Variants in LNPEP observed in about 807,000 individuals in gnomAD.
LNPEP encodes leucyl-cystinyl aminopeptidase.
Under a neutral mutation model 120.6 loss-of-function variants are expected in LNPEP, and 64 were observed. The ratio of observed to expected loss-of-function variants is 0.53; its 90% CI spans 0.43 to 0.65. The LOEUF (loss-of-function observed/expected upper bound fraction) is 0.65. LNPEP is among the 30% of genes least tolerant of loss of function. The pLI, the probability that LNPEP is intolerant of heterozygous loss-of-function variation, is 0.00. For synonymous variants in LNPEP, 435 were observed against 425.4 expected, an observed-to-expected ratio of 1.02 and a Z score of -0.28; for missense variants, 1,057 against 1,200.0, an observed-to-expected ratio of 0.88 and a Z score of 1.76.
At chr5:97,012,324 G>A (rs987273979) in intron 11 of LNPEP, among the ~76,000 whole-genome samples, 16 of 152,086 alleles carry the variant, frequency 1.1e-4, no homozygotes, top group African/African-American at 2.9e-4. Flanking sequence ...TGCTATCATC[G>A]TCTGAGTTTA....
Position 97,024,531 on chromosome 5 carries a change from G to C in LNPEP, c.2572G>C (p.Asp858His). 6.2e-7 allele frequency: 1 copy of C among 1,613,746 alleles called. No homozygotes were observed. Among genetic ancestry groups the C allele is most frequent in the Non-Finnish European group, 8.5e-7 (1 of 1,179,804 alleles). Residue 858 changes from aspartate (D) to histidine (H), a missense_variant, in exon 15 of 18, where the codon GAT (aspartate) becomes CAT (histidine). By Grantham distance (81) the Asp-to-His change is moderately conservative. Coordinates refer to ENST00000231368, the MANE Select transcript of LNPEP (RefSeq NM_005575.3). ...ASNGTQSLPTDVMTTVFKVGA... is the reference protein window; with the variant it reads ...ASNGTQSLPTHVMTTVFKVGA... ...CCACCTCTCTTACAGCCTACCTACT[G>C]ATGTCATGACAACTGTGTTCAAAGT... is the stretch of plus-strand genomic sequence containing the variant.
intron 8 of LNPEP, among the ~76,000 whole-genome samples, chr5:97,000,366 A>G (rs1473081651): frequency 6.6e-6 from 1 of 152,164 alleles, no homozygotes; most frequent in Non-Finnish European, 1.5e-5. Flanking sequence ...GAGGCCTGAG[A>G]CTGCTATTCT....
At chr5:96,980,456 TA>T (rs1790096968) in intron 2 of LNPEP, among the ~76,000 whole-genome samples, 1 of 152,208 alleles carries the variant, frequency 6.6e-6, no homozygotes, top group Non-Finnish European at 1.5e-5. Context: ...ACTGGTTTAT[TA>T]TTTTTTAAAA....
Position 96,984,101 on chromosome 5 carries a change from G to A in LNPEP, c.861-979G>A, listed in dbSNP as rs533336337. Among the ~76,000 whole-genome samples, 17 of 152,202 alleles carry A rather than the reference G, an allele frequency of 1.1e-4. No homozygotes were observed. In the East Asian group the frequency reaches 3.1e-3, roughly 28 times the overall value. ...ACATGCACTGCTCTCTTGTGTTCCCGGACCAAACTGAGGGTCAGGCTGCTA... is the reference window on the plus strand; with the variant it reads ...ACATGCACTGCTCTCTTGTGTTCCCAGACCAAACTGAGGGTCAGGCTGCTA... On this transcript the variant is annotated intron_variant, in intron 2 of 17. Coordinates refer to ENST00000231368, the MANE Select transcript of LNPEP (RefSeq NM_005575.3).
chr5:96,965,043 A>G (rs149483998), intron 1 of LNPEP, among the ~76,000 whole-genome samples: 53 of 152,268 alleles, frequency 3.5e-4, no homozygotes, highest in African/African-American at 1.2e-3. Context: ...CAGTTGGAAT[A>G]TCCATCACCT....
rs1203227897 is a variant in LNPEP at position 97,033,982 on chromosome 5, TTTTAAAA to T, written c.*5450_*5456del. 1 of 152,094 alleles carries T rather than the reference TTTTAAAA, an allele frequency of 6.6e-6. No individual in the cohort carries two copies. Among genetic ancestry groups the T allele is most frequent in the Non-Finnish European group, 1.5e-5 (1 of 68,010 alleles). 9.4% of individuals were successfully genotyped at this position (152,094 alleles called of 1,614,324 possible). On this transcript the variant is annotated 3_prime_UTR_variant, in exon 18 of 18. Coordinates refer to ENST00000231368, the MANE Select transcript of LNPEP (RefSeq NM_005575.3). ...AGGGGTCTAAGGCAGAATATATCCT[TTTTAAAA>T]ATGTATATATACTTTTCATTAACTA... is the stretch of plus-strand genomic sequence containing the variant.
chr5:96,988,352 T>TTTC (rs1231865329), intron 4 of LNPEP, among the ~76,000 whole-genome samples: 2 of 149,244 alleles, frequency 1.3e-5, no homozygotes, highest in African/African-American at 4.9e-5. Context: ...TTTTTTTTTT[T>TTTC]TTTGAGACAG....
Position 97,031,455 on chromosome 5 carries a change from A to T in LNPEP, c.*2922A>T, listed in dbSNP as rs897789110. The T allele has an allele frequency of 6.6e-6, 1 of 152,180 alleles. No individual in the cohort carries two copies. Among genetic ancestry groups the T allele is most frequent in the Non-Finnish European group, 1.5e-5 (1 of 68,028 alleles). The allele number at this position is 152,180 out of a possible 1,614,324, so 9.4% of individuals were successfully genotyped here. A position where few individuals can be genotyped will look rare whatever the true frequency, so the allele number is the denominator to read the frequency against. ...AGGTTCTACTTTAATTTTCCTTGCC[A>T]TATGTGTTTCCATTTTGTGGGACAT... is the stretch of plus-strand genomic sequence containing the variant. On this transcript the variant is annotated 3_prime_UTR_variant, in exon 18 of 18. Coordinates refer to ENST00000231368, the MANE Select transcript of LNPEP (RefSeq NM_005575.3).
intron 1 of LNPEP, chr5:96,958,822 G>GT (rs1789530873): frequency 1.6e-5 from 2 of 123,738 alleles, no homozygotes; most frequent in Admixed American, 1.7e-4. Context: ...AGCCTCTTTT[G>GT]CTTTTTTTTT....
chr5:96,959,014 C>T (rs1488378777), intron 1 of LNPEP, among the ~76,000 whole-genome samples: 1 of 151,838 alleles, frequency 6.6e-6, no homozygotes, highest in Admixed American at 6.6e-5. Context: ...TTAATAGAGA[C>T]GAGGTTTCAC....
chr5:96,993,922 C>T lies in LNPEP; in HGVS notation c.1358C>T (p.Ala453Val), dbSNP rs1467432611. The T allele has an allele frequency of 5.6e-6, 9 of 1,613,750 alleles. No individual in the cohort carries two copies. Among genetic ancestry groups the T allele is most frequent in the Middle Eastern group, 3.3e-4 (2 of 6,054 alleles). ...TATGACAGTAACACTTCTTCAATGG[C>T]GGATAGAAAGCTGGTGACTAAAATC... ...LLYDSNTSSM[A>V]DRKLVTKIIA... Residue 453 changes from alanine (A) to valine (V), a missense_variant, in exon 6 of 18, where the codon GCG (alanine) becomes GTG (valine). Physicochemically the swap from Ala to Val is moderately conservative, Grantham distance 64. Transcript: ENST00000231368.
chr5:96,936,416 C>T, intron 1 of LNPEP: 3 of 396,740 alleles, frequency 7.6e-6, no homozygotes, highest in Non-Finnish European at 1.3e-5. Context: ...GCCCGGGGTG[C>T]GGCCGGTGGG....
At chr5:96,992,902 A>T in intron 4 of LNPEP, 113 bp from the exon 5 acceptor site, 1 of 711,974 alleles carries the variant, frequency 1.4e-6, no homozygotes. Flanking sequence ...ATCCAGAAGG[A>T]TCTCATACAA....
At chr5:96,982,265 A>G (rs753897204) in intron 2 of LNPEP, among the ~76,000 whole-genome samples, 1 of 151,156 alleles carries the variant, frequency 6.6e-6, no homozygotes, top group African/African-American at 2.5e-5. Context: ...TCCTTTGTAC[A>G]TTGTTATCTC....
At chr5:96,981,331 G>A (rs1333717869) in intron 2 of LNPEP, among the ~76,000 whole-genome samples, 1 of 152,094 alleles carries the variant, frequency 6.6e-6, no homozygotes, top group Non-Finnish European at 1.5e-5. Flanking sequence ...TATCACTTGG[G>A]GGATTCATTT....
Position 96,945,851 on chromosome 5 carries a change from A to T in LNPEP, c.19+9677A>T, listed in dbSNP as rs201969448. Among the ~76,000 whole-genome samples, 5 of 152,326 alleles carry T rather than the reference A, an allele frequency of 3.3e-5. No individual in the cohort carries two copies. In the East Asian group the frequency reaches 9.6e-4, roughly 29 times the overall value. On this transcript the variant is annotated intron_variant, in intron 1 of 17. Transcript: ENST00000231368. The stretch of plus-strand genomic sequence containing the variant: ...AAAATCATTCCAAGATCCTCTTTAG[A>T]GGAAAAATTTATAGAGATTAGTGGG...
Position 97,028,406 on chromosome 5 carries a change from A to G in LNPEP, c.2951A>G (p.Gln984Arg). ...TCTTCTGTGTGAAACTTACAGGTTCAGGCATTCTTTGAAAATCAGTCAGAG... is the reference window on the plus strand; with the variant it reads ...TCTTCTGTGTGAAACTTACAGGTTCGGGCATTCTTTGAAAATCAGTCAGAG... Reference protein sequence around the residue: ...FSTKTHLSEVQAFFENQSEAT... With the variant: ...FSTKTHLSEVRAFFENQSEAT... The change falls in exon 18 of 18, where the codon CAG (glutamine) becomes CGG (arginine). Residue 984 changes from glutamine (Q) to arginine (R), a missense_variant. By Grantham distance (43) the Gln-to-Arg change is conservative (BLOSUM62 1). Coordinates refer to ENST00000231368, the MANE Select transcript of LNPEP (RefSeq NM_005575.3). 1.2e-6 allele frequency: 2 copies of G among 1,613,736 alleles called. No homozygotes were observed. The highest frequency in any genetic ancestry group is 1.7e-6 in the Non-Finnish European group (2 of 1,179,632).
intron 1 of LNPEP, among the ~76,000 whole-genome samples, chr5:96,951,077 C>G (rs1207603508): frequency 3.3e-5 from 5 of 152,142 alleles, no homozygotes; most frequent in Non-Finnish European, 7.3e-5. Flanking sequence ...CTTGCTGTGT[C>G]CTCACATGGT....
intron 1 of LNPEP, among the ~76,000 whole-genome samples, chr5:96,962,164 C>T (rs998874197): frequency 6.6e-6 from 1 of 152,174 alleles, no homozygotes. Flanking sequence ...GACCCCCCAG[C>T]CTTCTCCAGA....
Sources: allele counts gnomAD v4.1 joint callset (sites outside exome capture counted in the v4.1 genomes callset), GRCh38; gene constraint gnomAD v4.1.1; transcripts MANE v1.5; gene names NCBI Gene and HGNC (gene_info 2026-07-23, HGNC 2026-07-21).